MCHR2: variants seen among roughly 807,000 people sequenced by gnomAD.
MCHR2 encodes the protein melanin concentrating hormone receptor 2, also known as melanin-concentrating hormone receptor 2.
Under a neutral mutation model 24.8 loss-of-function variants are expected in MCHR2, and 15 were observed. That is an observed-to-expected ratio of 0.60 (90% confidence interval 0.40 to 0.93). The LOEUF is 0.93. Ranked by LOEUF, MCHR2 falls within the 40% of genes least tolerant of loss-of-function variation. The pLI is 0.00. For missense variants in MCHR2, 386 were observed against 408.7 expected (o/e 0.94, Z 0.48); for synonymous variants, 151 against 147.6 (o/e 1.02, Z -0.17).
chr6:99,986,207 C>A (rs1582414525), intron 1 of MCHR2, among the ~76,000 whole-genome samples: 1 of 152,048 alleles, frequency 6.6e-6, no homozygotes, highest in Admixed American at 6.5e-5. Context: ...AAAAGGAATA[C>A]TTTTACATTG....
At chr6:99,948,486 G>A (rs1774914749) in intron 2 of MCHR2, among the ~76,000 whole-genome samples, 1 of 152,132 alleles carries the variant, frequency 6.6e-6, no homozygotes, top group Admixed American at 6.5e-5. Context: ...TACCTTGGAA[G>A]TAGATCCTCC....
At chr6:99,972,198 T>C (rs1775439672) in intron 1 of MCHR2, among the ~76,000 whole-genome samples, 1 of 152,242 alleles carries the variant, frequency 6.6e-6, no homozygotes, top group African/African-American at 2.4e-5. Flanking sequence ...TTCTGGACTC[T>C]TTTTGGTTGG....
intron 5 of MCHR2, among the ~76,000 whole-genome samples, chr6:99,927,174 T>C (rs1774383206): frequency 6.6e-6 from 1 of 152,196 alleles, no homozygotes; most frequent in African/African-American, 2.4e-5. Flanking sequence ...CTGAGGGCTC[T>C]GTTCTGTTCC....
chr6:99,948,402 C>T (rs1245926967), intron 2 of MCHR2, among the ~76,000 whole-genome samples: 2 of 152,120 alleles, frequency 1.3e-5, no homozygotes, highest in African/African-American at 2.4e-5. Context: ...TCAAGCAACA[C>T]TATGGAGAGG....
At chr6:99,939,161 T>C (rs1351591562) in intron 4 of MCHR2, among the ~76,000 whole-genome samples, 1 of 152,010 alleles carries the variant, frequency 6.6e-6, no homozygotes, top group Non-Finnish European at 1.5e-5. Flanking sequence ...AATTGGAAAA[T>C]TGAGACCCTT....
intron 1 of MCHR2, among the ~76,000 whole-genome samples, chr6:99,986,929 T>C (rs1775780804): frequency 6.6e-6 from 1 of 151,262 alleles, no homozygotes; most frequent in Admixed American, 6.6e-5. Flanking sequence ...TATATAAAAA[T>C]ATAAAAAAGG....
At chr6:99,930,642 G>A (rs1582372257) in intron 5 of MCHR2, among the ~76,000 whole-genome samples, 1 of 152,092 alleles carries the variant, frequency 6.6e-6, no homozygotes, top group African/African-American at 2.4e-5. Context: ...AGCTCCTGAG[G>A]CTTCTGCATT....
At chr6:99,985,867 T>A (rs1462288676) in intron 1 of MCHR2, among the ~76,000 whole-genome samples, 27 of 151,982 alleles carry the variant, frequency 1.8e-4, no homozygotes, top group Admixed American at 1.8e-3. Flanking sequence ...AAAGAAATAA[T>A]CAACAGAGTA....
chr6:99,933,423 C>T (rs1774585843), intron 5 of MCHR2, among the ~76,000 whole-genome samples: 1 of 152,110 alleles, frequency 6.6e-6, no homozygotes, highest in Admixed American at 6.5e-5. Context: ...CAACTCAGCT[C>T]CCTGGGATAC....
At chr6:99,971,256 T>A (rs1207434662) in intron 1 of MCHR2, among the ~76,000 whole-genome samples, 3 of 151,858 alleles carry the variant, frequency 2.0e-5, no homozygotes, top group African/African-American at 7.3e-5. Context: ...TTTGTAGTTC[T>A]CCTTGAAGAG....
chr6:99,980,186 G>T (rs764706505), intron 1 of MCHR2, among the ~76,000 whole-genome samples: 1 of 152,136 alleles, frequency 6.6e-6, no homozygotes, highest in Non-Finnish European at 1.5e-5. Flanking sequence ...CCTGCTATGG[G>T]CCCTTGTTAA....
chr6:99,955,651 T>C (rs1364786104), intron 2 of MCHR2, among the ~76,000 whole-genome samples: 2 of 152,080 alleles, frequency 1.3e-5, no homozygotes, highest in African/African-American at 4.8e-5. Flanking sequence ...AAACTGCATA[T>C]CAGGAGTTTT....
rs752568318 is a variant in MCHR2, at chr6:99,947,956, T to A, written c.198A>T (p.Thr66=). ...GGTTGCAGATATAGATGTCAGGGACTGTTTTTTTCCTGGATCTGAAAGAGA... is the reference window on the plus strand; with the variant it reads ...GGTTGCAGATATAGATGTCAGGGACAGTTTTTTTCCTGGATCTGAAAGAGA... ...VFTIIRSRKK[T]VPDIYICNLA... Residue 66 remains threonine (T), a synonymous_variant, in exon 3 of 6, where the codon ACA becomes ACT. Transcript: ENST00000281806. 1.6e-5 allele frequency: 26 copies of A among 1,613,354 alleles called. No homozygotes were observed. The South Asian group carries it at 2.7e-4, about 17-fold the overall frequency.
intron 1 of MCHR2, among the ~76,000 whole-genome samples, chr6:99,992,919 C>G (rs185585404): frequency 2.6e-5 from 4 of 152,258 alleles, no homozygotes; most frequent in African/African-American, 7.2e-5. Flanking sequence ...CCCCACCCCC[C>G]CATCTCTACC....
chr6:99,943,185 A>G (rs1486039452), intron 3 of MCHR2, 42 bp from the exon 4 acceptor site: 2 of 1,513,596 alleles, frequency 1.3e-6, no homozygotes, highest in Non-Finnish European at 1.8e-6. Flanking sequence ...AATCAATAAA[A>G]GCACTGAGCT....
rs1052708757 is a variant in MCHR2, at chr6:99,928,320, C to T, written c.707+6078G>A. On this transcript the variant is annotated intron_variant, in intron 5 of 5. Coordinates refer to ENST00000281806, the MANE Select transcript of MCHR2 (RefSeq NM_001040179.2). ...TCTCTTTTTTGGTTGTGTTTCTGCCCGGCTTTGGTATCAGGATGACGCTGG... is the reference window on the plus strand; with the variant it reads ...TCTCTTTTTTGGTTGTGTTTCTGCCTGGCTTTGGTATCAGGATGACGCTGG... 8.5e-5 allele frequency among the ~76,000 whole-genome samples: 13 copies of T among 152,092 alleles called. No individual in the cohort carries two copies. In the South Asian group the frequency reaches 1.3e-3, roughly 15 times the overall value.
intron 4 of MCHR2, among the ~76,000 whole-genome samples, chr6:99,942,469 C>T (rs1774789458): frequency 2.0e-5 from 3 of 152,174 alleles, no homozygotes; most frequent in Admixed American, 6.5e-5. Context: ...CACCCTAATC[C>T]AGCATGACCT....
chr6:99,948,164 G>C (rs1464940398), intron 2 of MCHR2, among the ~76,000 whole-genome samples, 193 bp from the exon 3 acceptor site: 1 of 152,102 alleles, frequency 6.6e-6, no homozygotes, highest in Non-Finnish European at 1.5e-5. Context: ...ATAACTTACT[G>C]TGGTGGTTTA....
At chr6:99,981,877 T>C (rs1775675805) in intron 1 of MCHR2, among the ~76,000 whole-genome samples, 1 of 152,162 alleles carries the variant, frequency 6.6e-6, no homozygotes. Flanking sequence ...TTATACACAC[T>C]TCATAATTAT....
Sources: gnomAD v4.1 joint callset for allele counts (sites outside exome capture counted in the v4.1 genomes callset) on GRCh38, gnomAD v4.1.1 for gene constraint, MANE v1.5 for transcripts, NCBI Gene and HGNC (gene_info 2026-07-23, HGNC 2026-07-21) for gene names.